Variants in ADORA2B observed in about 807,000 individuals in gnomAD.
ADORA2B encodes adenosine receptor A2b.
A neutral mutation model predicts 20.8 loss-of-function variants in ADORA2B; 18 were observed. That is an observed-to-expected ratio of 0.87 (90% CI 0.60 to 1.29). The LOEUF (loss-of-function observed/expected upper bound fraction) is 1.29. ADORA2B is among the 50% of genes most tolerant of loss of function. The pLI is 0.00. For synonymous variants in ADORA2B, 179 were observed against 178.3 expected, an observed-to-expected ratio of 1.00 and a Z score of -0.03; for missense variants, 441 against 422.7, an observed-to-expected ratio of 1.04 and a Z score of -0.38.
the ADORA2B span, among the ~76,000 whole-genome samples, chr17:15,909,159 G>C: frequency 6.6e-6 from 1 of 151,760 alleles, no homozygotes; most frequent in African/African-American, 2.4e-5. Flanking sequence ...CTGCACTCCA[G>C]CCTGGGTGAC....
intron 1 of ADORA2B, among the ~76,000 whole-genome samples, chr17:15,963,482 A>G (rs1022835975): frequency 1.3e-5 from 2 of 152,164 alleles, no homozygotes; most frequent in Non-Finnish European, 2.9e-5. Flanking sequence ...CCGTAACCCC[A>G]GCCTTGGGAG....
chr17:15,867,178 C>T, the ADORA2B span, among the ~76,000 whole-genome samples: 5 of 152,168 alleles, frequency 3.3e-5, no homozygotes, highest in African/African-American at 4.8e-5. Flanking sequence ...CCCAAAGTGC[C>T]GAGATTGCAG....
chr17:15,916,492 C>T, the ADORA2B span, among the ~76,000 whole-genome samples: 246 of 151,372 alleles, frequency 1.6e-3, no homozygotes, highest in Non-Finnish European at 2.2e-3. Context: ...AAGGGGGGTC[C>T]GCGTGAGAGG....
At chr17:15,860,085 G>A in the ADORA2B span, among the ~76,000 whole-genome samples, 8 of 152,248 alleles carry the variant, frequency 5.3e-5, no homozygotes, top group African/African-American at 1.2e-4. Context: ...GTTCTGTTCC[G>A]TTCTAATTAC....
At chr17:15,935,942 C>T in the ADORA2B span, among the ~76,000 whole-genome samples, 2 of 150,946 alleles carry the variant, frequency 1.3e-5, no homozygotes, top group Non-Finnish European at 2.9e-5. Context: ...TTTTGGCTCA[C>T]TGCAACCTCT....
At chr17:15,942,784 G>C (rs1232953661), upstream of ADORA2B, among the ~76,000 whole-genome samples, 1 of 152,190 alleles carries the variant, frequency 6.6e-6, no homozygotes, top group African/African-American at 2.4e-5. Flanking sequence ...GGATGGCCCA[G>C]CTCTCCAGCC....
chr17:15,928,293 A>G, the ADORA2B span, among the ~76,000 whole-genome samples: 1 of 150,424 alleles, frequency 6.6e-6, no homozygotes, highest in African/African-American at 2.4e-5. Context: ...AGGGGAACAG[A>G]GAAATGGGGA....
chr17:15,973,224 C>T (rs2151611515), intron 1 of ADORA2B, among the ~76,000 whole-genome samples: 1 of 152,296 alleles, frequency 6.6e-6, no homozygotes, highest in East Asian at 1.9e-4. Context: ...GACTCCAGTG[C>T]TTACTGCCTC....
the ADORA2B span, among the ~76,000 whole-genome samples, chr17:15,851,004 T>C: frequency 6.6e-6 from 1 of 152,346 alleles, no homozygotes; most frequent in East Asian, 1.9e-4. Flanking sequence ...GAGACATCTT[T>C]ACATTGCAAC....
At chr17:15,925,238 G>A in the ADORA2B span, among the ~76,000 whole-genome samples, 1 of 152,024 alleles carries the variant, frequency 6.6e-6, no homozygotes, top group Non-Finnish European at 1.5e-5. Flanking sequence ...GTTTTACCAT[G>A]TTAGCCAGGC....
the ADORA2B span, among the ~76,000 whole-genome samples, chr17:15,872,958 G>A: frequency 2.0e-5 from 3 of 152,304 alleles, no homozygotes; most frequent in African/African-American, 7.2e-5. Context: ...ATTGGTGAAA[G>A]TGGGCATCAT....
chr17:15,975,335 G>T lies in ADORA2B; in HGVS notation c.992G>T (p.Gly331Val). 1 of 1,610,730 alleles carries T rather than the reference G, an allele frequency of 6.2e-7. No homozygotes were observed. The stretch of plus-strand genomic sequence containing the variant: ...GGGGTACAGCCTGCTCTCGGTGTGG[G>T]CCTATGATCTAGGCTCTCGCCTCTT... ...QAGVQPALGV[G>V]L The change falls in exon 2 of 2, where the codon GGC (glycine) becomes GTC (valine). Residue 331 changes from glycine (G) to valine (V), a missense_variant. Physicochemically the swap from Gly to Val is moderately radical, Grantham distance 109. Coordinates refer to ENST00000304222, the MANE Select transcript of ADORA2B (RefSeq NM_000676.4).
upstream of ADORA2B, among the ~76,000 whole-genome samples, chr17:15,941,358 A>G (rs758229951): frequency 3.3e-5 from 5 of 152,220 alleles, no homozygotes; most frequent in Non-Finnish European, 5.9e-5. Flanking sequence ...TCCAACATCA[A>G]CAGCAGAGCT....
the ADORA2B span, among the ~76,000 whole-genome samples, chr17:15,902,349 C>T: frequency 6.6e-6 from 1 of 152,060 alleles, no homozygotes; most frequent in South Asian, 2.1e-4. Flanking sequence ...GATTACAGGC[C>T]TGCGCCATCA....
At chr17:15,864,281 C>T in the ADORA2B span, 1 of 152,166 alleles carries the variant, frequency 6.6e-6, no homozygotes, top group Middle Eastern at 3.2e-3. Context: ...TTTCTGTTCT[C>T]CTAGACAGAG....
At chr17:15,919,456 T>C in the ADORA2B span, among the ~76,000 whole-genome samples, 98 of 152,304 alleles carry the variant, frequency 6.4e-4, no homozygotes, top group South Asian at 6.2e-4. Flanking sequence ...TGAAAAAATG[T>C]GGCCTTAATT....
chr17:15,971,440 TAAGAGGGAGTAGAA>T (rs1166253768), intron 1 of ADORA2B, among the ~76,000 whole-genome samples: 3 of 152,154 alleles, frequency 2.0e-5, no homozygotes, highest in Non-Finnish European at 4.4e-5. Flanking sequence ...TGCCTGTTGC[TAAGAGGGAGTAGAA>T]AAGATTAGAG....
chr17:15,875,609 A>T, the ADORA2B span, among the ~76,000 whole-genome samples: 1 of 152,052 alleles, frequency 6.6e-6, no homozygotes, highest in Non-Finnish European at 1.5e-5. Flanking sequence ...TTTGAGACGG[A>T]GTCTCACTCT....
At chr17:15,901,446 A>G in the ADORA2B span, among the ~76,000 whole-genome samples, 11 of 152,118 alleles carry the variant, frequency 7.2e-5, no homozygotes, top group South Asian at 4.2e-4. Flanking sequence ...CCTGGGCAAC[A>G]AGAGCGAAAC....
Sources: gnomAD v4.1 joint callset for allele counts (sites outside exome capture counted in the v4.1 genomes callset) on GRCh38, gnomAD v4.1.1 for gene constraint, MANE v1.5 for transcripts, NCBI Gene and HGNC (gene_info 2026-07-23, HGNC 2026-07-21) for gene names.